The following H6PD variants were observed in gnomAD, a reference collection of about 807,000 sequenced individuals.
H6PD encodes the protein GDH/6PGL endoplasmic bifunctional protein.
Under a neutral mutation model 61.2 loss-of-function variants are expected in H6PD, and 48 were observed. The ratio of observed to expected loss-of-function variants is 0.78; its 90% CI spans 0.62 to 1.00. The LOEUF is 1.00. Among genes scored for constraint, H6PD ranks in the 50% least tolerant of loss-of-function variants. The probability of loss-of-function intolerance (pLI) is 0.00; values close to 1 mark genes in which losing one functional copy is unlikely to be tolerated. For missense variants in H6PD, 1,093 were observed against 1,065.0 expected, an observed-to-expected ratio of 1.03 and a Z score of -0.37; for synonymous variants, 480 against 457.9, an observed-to-expected ratio of 1.05 and a Z score of -0.62.
chr1:9,247,133 T>A, intron 3 of H6PD, 50 bp downstream of exon 3: 5 of 1,227,926 alleles, frequency 4.1e-6, no homozygotes, highest in Non-Finnish European at 6.0e-6. Flanking sequence ...GCCTGCCCGC[T>A]GTCTGCGGTG....
rs1570132017 is a variant in H6PD at position 9,265,006 on chromosome 1, G to C, written c.*137G>C. The C allele has an allele frequency of 1.1e-6, 1 of 908,726 alleles. No individual in the cohort carries two copies. Among genetic ancestry groups the C allele is most frequent in the East Asian group, 2.6e-5 (1 of 38,258 alleles). The allele number at this position is 908,726 out of a possible 1,614,324, so 56.3% of individuals were successfully genotyped here. On this transcript the variant is annotated 3_prime_UTR_variant, in exon 5 of 5. Coordinates refer to ENST00000377403, the MANE Select transcript of H6PD (RefSeq NM_004285.4). ...TATCCCACAGTCAGGCCCCAGAGAGGGCAGGACAAGCCTTGTCCCGATGCC... is the reference window on the plus strand; with the variant it reads ...TATCCCACAGTCAGGCCCCAGAGAGCGCAGGACAAGCCTTGTCCCGATGCC...
At chr1:9,257,595 A>C (rs1324259211) in intron 3 of H6PD, among the ~76,000 whole-genome samples, 1 of 152,214 alleles carries the variant, frequency 6.6e-6, no homozygotes, top group East Asian at 1.9e-4. Context: ...CTAGGGATGC[A>C]GCAGAGGGCA....
intron 4 of H6PD, among the ~76,000 whole-genome samples, chr1:9,263,274 G>A (rs1024002992): frequency 1.3e-5 from 2 of 152,138 alleles, no homozygotes; most frequent in African/African-American, 4.8e-5. Context: ...TCTAAGAGGG[G>A]CCTCAATGAA....
chr1:9,260,066 C>G (rs1041280815), intron 3 of H6PD, among the ~76,000 whole-genome samples: 12 of 151,014 alleles, frequency 7.9e-5, no homozygotes, highest in African/African-American at 2.9e-4. Context: ...TGTTGTTACT[C>G]CGGTGTTGTT....
At position 9,247,084 on chromosome 1, in the gene H6PD, G is replaced by T. The variant is rs1233889092; in HGVS notation, c.745+1G>T. 1 of 1,574,438 alleles carries T rather than the reference G, an allele frequency of 6.4e-7. No homozygotes were observed. Among genetic ancestry groups the T allele is most frequent in the African/African-American group, 1.3e-5 (1 of 74,146 alleles). On this transcript the variant is annotated splice_donor_variant, in intron 3 of 4. Coordinates refer to ENST00000377403, the MANE Select transcript of H6PD (RefSeq NM_004285.4). LOFTEE classifies it high-confidence loss of function. Reference sequence around the variant, plus strand: ...ATGAAAGAGACCGTGGATGCTGAAGGTGTGTGAGTGGCCCTGCGCACTCGG... The same window carrying T: ...ATGAAAGAGACCGTGGATGCTGAAGTTGTGTGAGTGGCCCTGCGCACTCGG...
rs962881707 is a variant in H6PD, at chr1:9,268,767, A to C, written c.*3898A>C. On this transcript the variant is annotated 3_prime_UTR_variant, in exon 5 of 5. Coordinates refer to ENST00000377403, the MANE Select transcript of H6PD (RefSeq NM_004285.4). The stretch of plus-strand genomic sequence containing the variant: ...CTAGTCCCTCGAGGGGTTCCCTTCC[A>C]AAATATGCAGGGCTCAGGCTCCCAA... 5 of 152,194 alleles carry C rather than the reference A, an allele frequency of 3.3e-5. No individual in the cohort carries two copies. Among genetic ancestry groups the C allele is most frequent in the Non-Finnish European group, 7.3e-5 (5 of 68,046 alleles). The allele number at this position is 152,194 out of a possible 1,614,324, so 9.4% of individuals were successfully genotyped here.
At chr1:9,236,467 G>A (rs1640851109) in intron 1 of H6PD, among the ~76,000 whole-genome samples, 1 of 152,166 alleles carries the variant, frequency 6.6e-6, no homozygotes, top group South Asian at 2.1e-4. Context: ...GACCAGCCTT[G>A]CCAACATGGT....
chr1:9,245,009 T>C lies in H6PD; in HGVS notation c.75T>C (p.His25=). 6.2e-7 allele frequency: 1 copy of C among 1,614,164 alleles called. No homozygotes were observed. Among genetic ancestry groups the C allele is most frequent in the Non-Finnish European group, 8.5e-7 (1 of 1,179,986 alleles). ...TGCAAGCCCAGGAGCTCCAGGGACA[T>C]GTCTCCATAATCCTGCTGGGAGCAA... ...GCLQAQELQG[H]VSIILLGATG... is the part of the protein sequence containing the mutation. Residue 25 remains histidine, a synonymous_variant, in exon 2 of 5, where the codon CAT becomes CAC. Transcript: ENST00000377403. The surrounding 1 kb of genome is among the most constrained non-coding windows in gnomAD (Gnocchi z 4.8).
At chr1:9,236,612 T>G (rs1433601069) in intron 1 of H6PD, among the ~76,000 whole-genome samples, 1 of 146,284 alleles carries the variant, frequency 6.8e-6, no homozygotes, top group Non-Finnish European at 1.5e-5. Context: ...GAGGTTGCAG[T>G]GAACCAAGAT....
intron 2 of H6PD, 26 bp from the exon 3 acceptor site, chr1:9,246,940 C>A: frequency 6.7e-7 from 1 of 1,490,004 alleles, no homozygotes; most frequent in Non-Finnish European, 9.4e-7. Flanking sequence ...TATCCTGCAG[C>A]ACGCCCAGTC....
intron 1 of H6PD, among the ~76,000 whole-genome samples, chr1:9,243,580 G>C (rs191987921): frequency 1.0e-3 from 153 of 152,266 alleles, no homozygotes; most frequent in African/African-American, 3.3e-3. Context: ...TTGGAAGCTA[G>C]AGAGCCAGAG....
Position 9,237,236 on chromosome 1 carries a change from CTTTTTTTTT to C in H6PD, c.-11+2188_-11+2196del, listed in dbSNP as rs370751354. On this transcript the variant is annotated intron_variant, in intron 1 of 4. Coordinates refer to ENST00000377403, the MANE Select transcript of H6PD (RefSeq NM_004285.4). Reference sequence around the variant, plus strand: ...ACCTTTGGTAAGTTATTTGACTTCTCTTTTTTTTTTTTTTTTTTTTTTTTTTGAGATGGA... The same window carrying C: ...ACCTTTGGTAAGTTATTTGACTTCTCTTTTTTTTTTTTTTTTTGAGATGGA... Among the ~76,000 whole-genome samples, 95 of 71,074 alleles carry C rather than the reference CTTTTTTTTT, an allele frequency of 1.3e-3. 1 individual carries two copies. The highest frequency in any genetic ancestry group is 3.9e-3 in the African/African-American group (79 of 20,118). The allele number at this position is 71,074 out of a possible 152,430, so 46.6% of individuals were successfully genotyped here. A position where few individuals can be genotyped will look rare whatever the true frequency, so the allele number is the denominator to read the frequency against.
intron 3 of H6PD, among the ~76,000 whole-genome samples, chr1:9,252,458 G>A (rs755527539): frequency 3.5e-4 from 53 of 151,872 alleles, no homozygotes; most frequent in African/African-American, 1.2e-3. Flanking sequence ...GGTCTTGAAC[G>A]CCTGGTCTCA....
chr1:9,243,998 T>C (rs2100322686), intron 1 of H6PD, among the ~76,000 whole-genome samples: 1 of 152,314 alleles, frequency 6.6e-6, no homozygotes, highest in East Asian at 1.9e-4. Context: ...CCCTGCTTTC[T>C]TACCCTGGGA....
At chr1:9,247,938 G>A (rs1479506701) in intron 3 of H6PD, among the ~76,000 whole-genome samples, 3 of 152,224 alleles carry the variant, frequency 2.0e-5, no homozygotes, top group Non-Finnish European at 2.9e-5. Flanking sequence ...AGTTTACTGT[G>A]TCCCCAGTCC....
chr1:9,262,188 A>G lies in H6PD; in HGVS notation c.875A>G (p.His292Arg). Residue 292 changes from histidine to arginine, a missense_variant, in exon 4 of 5, where the codon CAC becomes CGC. Transcript: ENST00000377403. ...AGCAGTGCGGAGGCTGTGCTGCGGCACAAGCTTCAGGTCTTCCAGGCGCTG... is the reference window on the plus strand; with the variant it reads ...AGCAGTGCGGAGGCTGTGCTGCGGCGCAAGCTTCAGGTCTTCCAGGCGCTG... ...NVSSAEAVLR[H>R]KLQVFQALRG... The G allele has an allele frequency of 6.2e-7, 1 of 1,614,226 alleles. No homozygotes were observed. The highest frequency in any genetic ancestry group is 8.5e-7 in the Non-Finnish European group (1 of 1,180,042).
rs369305801 is a variant in H6PD at position 9,262,840 on chromosome 1, T to C, written c.1015+512T>C. Among the ~76,000 whole-genome samples the C allele has an allele frequency of 4.6e-5, 7 of 152,244 alleles. No homozygotes were observed. In the East Asian group the frequency reaches 1.4e-3, roughly 29 times the overall value. ...AGCACGCGCCGTATGCCAGGTGCTT[T>C]ATAGATGCCTCTCATACAAGCCTCA... On this transcript the variant is annotated intron_variant, in intron 4 of 4. Transcript: ENST00000377403.
At chr1:9,260,275 C>T (rs929863476) in intron 3 of H6PD, among the ~76,000 whole-genome samples, 6 of 147,712 alleles carry the variant, frequency 4.1e-5, no homozygotes, top group Non-Finnish European at 5.9e-5. Flanking sequence ...GTTGTCGTTA[C>T]GCCAGTGCTG....
intron 1 of H6PD, among the ~76,000 whole-genome samples, chr1:9,241,128 G>T (rs1557735161): frequency 6.6e-6 from 1 of 152,172 alleles, no homozygotes; most frequent in Non-Finnish European, 1.5e-5. Flanking sequence ...GAGGAGGGAG[G>T]TTCACAATGT....
Sources: gnomAD v4.1 joint callset for allele counts (sites outside exome capture counted in the v4.1 genomes callset) on GRCh38, gnomAD v4.1.1 for gene constraint, Gnocchi (gnomAD v3.1) non-coding constraint, MANE v1.5 for transcripts, NCBI Gene and HGNC (gene_info 2026-07-23, HGNC 2026-07-21) for gene names.